Variants in LINGO2 observed in about 807,000 individuals in gnomAD.
LINGO2 encodes the protein leucine-rich repeat and immunoglobulin-like domain-containing nogo receptor-interacting protein 2.
LINGO2 carries 14 observed loss-of-function variants against 30.6 expected under a neutral mutation model. That is an observed-to-expected ratio of 0.46 (90% CI 0.30 to 0.72). The LOEUF is 0.72. Ranked by LOEUF, LINGO2 falls within the 30% of genes least tolerant of loss-of-function variation. The pLI, the probability that LINGO2 is intolerant of heterozygous loss-of-function variation, is 0.07. For missense variants in LINGO2, 729 were observed against 751.7 expected (o/e 0.97, Z 0.35); for synonymous variants, 317 against 288.5 (o/e 1.10, Z -1.00).
intron 3 of LINGO2, among the ~76,000 whole-genome samples, chr9:28,316,350 A>C (rs928247387): frequency 1.3e-5 from 2 of 152,170 alleles, no homozygotes; most frequent in African/African-American, 4.8e-5. Context: ...CAGATAAGGC[A>C]ATATGTTTTA....
chr9:28,903,305 AC>A, the LINGO2 span, among the ~76,000 whole-genome samples: 6 of 152,158 alleles, frequency 3.9e-5, no homozygotes, highest in African/African-American at 1.4e-4. Context: ...ATAAATTTCT[AC>A]CTACCAAGGC....
rs1827907082 is a variant in LINGO2, at chr9:28,149,145, T to C, written c.-86-136740A>G. The C allele has an allele frequency of 9.6e-6, 14 of 1,451,520 alleles. No homozygotes were observed. The East Asian group carries it at 3.5e-4, about 36-fold the overall frequency. 89.9% of individuals were successfully genotyped at this position (1,451,520 alleles called of 1,614,324 possible). On this transcript the variant is annotated intron_variant, in intron 4 of 5. Transcript: ENST00000379992. ...AACATGTGTAAGAACATGAGGGTGT[T>C]AAGTAGAACATCAAAATTCAGGAGA... is the stretch of plus-strand genomic sequence containing the variant.
At chr9:28,151,458 A>G (rs1827998239) in intron 4 of LINGO2, among the ~76,000 whole-genome samples, 1 of 151,932 alleles carries the variant, frequency 6.6e-6, no homozygotes, top group Admixed American at 6.5e-5. Flanking sequence ...ATATAAAATA[A>G]TAAAGGTCAT....
chr9:28,457,567 A>G (rs1169516892), intron 2 of LINGO2, among the ~76,000 whole-genome samples: 2 of 151,906 alleles, frequency 1.3e-5, no homozygotes, highest in African/African-American at 4.8e-5. Flanking sequence ...GGTATGTGCC[A>G]CTATGCCCAG....
the LINGO2 span, among the ~76,000 whole-genome samples, chr9:29,207,031 G>GT: frequency 6.6e-6 from 1 of 151,628 alleles, no homozygotes; most frequent in Admixed American, 6.6e-5. Flanking sequence ...GTGTGTGTGT[G>GT]TATGTGTACA....
At chr9:29,193,026 T>C in the LINGO2 span, among the ~76,000 whole-genome samples, 1,633 of 152,306 alleles carry the variant, frequency 0.011, 36 homozygotes, top group African/African-American at 0.037. Context: ...AGAGGCAGAA[T>C]CTTTCAGTAA....
intron 4 of LINGO2, among the ~76,000 whole-genome samples, chr9:28,180,206 T>C (rs1828872977): frequency 6.6e-6 from 1 of 152,108 alleles, no homozygotes; most frequent in Non-Finnish European, 1.5e-5. Context: ...CTGGGCTGCC[T>C]CCATGCCATG....
At chr9:28,582,754 C>T (rs773444052) in intron 1 of LINGO2, among the ~76,000 whole-genome samples, 55 of 152,056 alleles carry the variant, frequency 3.6e-4, no homozygotes, top group Admixed American at 7.2e-4. Flanking sequence ...CTCTCCTTTA[C>T]AGTCAATGAA....
the LINGO2 span, among the ~76,000 whole-genome samples, chr9:28,751,161 T>G: frequency 6.6e-6 from 1 of 151,628 alleles, no homozygotes; most frequent in Non-Finnish European, 1.5e-5. Flanking sequence ...CATGGTGGCA[T>G]GTGCCTGTAG....
At chr9:28,493,798 CA>C (rs1197082876) in intron 1 of LINGO2, among the ~76,000 whole-genome samples, 12 of 152,118 alleles carry the variant, frequency 7.9e-5, no homozygotes, top group African/African-American at 2.9e-4. Flanking sequence ...CCAGCACGGT[CA>C]GAATAAAAGC....
the LINGO2 span, among the ~76,000 whole-genome samples, chr9:29,194,547 T>C: frequency 6.6e-6 from 1 of 152,246 alleles, no homozygotes; most frequent in Non-Finnish European, 1.5e-5. Flanking sequence ...CCGGACTTTG[T>C]CCTTTGATTT....
In LINGO2 at chr9:28,099,561, C is replaced by G. The variant is rs1377606822; in HGVS notation, c.-86-87156G>C. Among the ~76,000 whole-genome samples, 4 of 152,254 alleles carry G rather than the reference C, an allele frequency of 2.6e-5. No homozygotes were observed. In the South Asian group the frequency reaches 6.2e-4, roughly 24 times the overall value. On this transcript the variant is annotated intron_variant, in intron 4 of 5. Transcript: ENST00000379992. ...TCCAATCTCTCCATCTTAGCTGACA[C>G]CATCCTGGCCCAAGCCACCACTGTA... is the stretch of plus-strand genomic sequence containing the variant.
At chr9:28,384,669 A>G (rs1208622208) in intron 2 of LINGO2, among the ~76,000 whole-genome samples, 1 of 151,958 alleles carries the variant, frequency 6.6e-6, no homozygotes, top group Admixed American at 6.6e-5. Context: ...CTTTGCTCTT[A>G]GCAATATTTA....
chr9:29,017,815 T>C, the LINGO2 span, among the ~76,000 whole-genome samples: 2 of 151,982 alleles, frequency 1.3e-5, no homozygotes, highest in Non-Finnish European at 2.9e-5. Context: ...CTGGCATCCC[T>C]AAGTCTCTAG....
chr9:28,880,654 T>C, the LINGO2 span, among the ~76,000 whole-genome samples: 2 of 152,154 alleles, frequency 1.3e-5, no homozygotes, highest in African/African-American at 4.8e-5. Flanking sequence ...GGGTCTGTGC[T>C]GAGGGGGACT....
chr9:28,256,455 C>G (rs1191012344), intron 4 of LINGO2, among the ~76,000 whole-genome samples: 1 of 151,820 alleles, frequency 6.6e-6, no homozygotes, highest in East Asian at 1.9e-4. Context: ...TTTCTGCTAC[C>G]CTCGTAGGTT....
chr9:28,782,680 G>T, the LINGO2 span, among the ~76,000 whole-genome samples: 1 of 152,178 alleles, frequency 6.6e-6, no homozygotes, highest in Non-Finnish European at 1.5e-5. Context: ...CAACAGTGAA[G>T]AATTTGTTAC....
At chr9:27,943,272 C>A (rs561385251), downstream of LINGO2, 3 of 152,128 alleles carry the variant, frequency 2.0e-5, no homozygotes, top group Non-Finnish European at 2.9e-5. Flanking sequence ...GCTGACCCAT[C>A]TTCAGTATGG....
intron 4 of LINGO2, among the ~76,000 whole-genome samples, chr9:28,218,215 A>G (rs1820836384): frequency 6.6e-6 from 1 of 151,000 alleles, no homozygotes; most frequent in Admixed American, 6.6e-5. Context: ...AAACAATAAT[A>G]TAGTAATACA....
Sources: gnomAD v4.1 joint callset for allele counts (sites outside exome capture counted in the v4.1 genomes callset) on GRCh38, gnomAD v4.1.1 for gene constraint, MANE v1.5 for transcripts, NCBI Gene and HGNC (gene_info 2026-07-23, HGNC 2026-07-21) for gene names.